The following NDST3 variants were observed in gnomAD, a reference collection of about 807,000 sequenced individuals.
The protein encoded by NDST3 is N-deacetylase and N-sulfotransferase 3.
NDST3 carries 58 observed loss-of-function variants against 96.1 expected under a neutral mutation model. The observed-to-expected ratio is 0.60, with a 90% CI of 0.49 to 0.75. The LOEUF (loss-of-function observed/expected upper bound fraction) is 0.75, where lower values mean the gene tolerates loss of function less well. Among genes scored for constraint, NDST3 ranks in the 30% least tolerant of loss-of-function variants. The probability of loss-of-function intolerance (pLI) is 0.00; values close to 1 mark genes in which losing one functional copy is unlikely to be tolerated. For synonymous variants in NDST3, 333 were observed against 359.7 expected, an observed-to-expected ratio of 0.93 and a Z score of 0.84; for missense variants, 788 against 1,034.2, an observed-to-expected ratio of 0.76 and a Z score of 3.27.
chr4:118,200,621 G>A (rs969792550), intron 6 of NDST3, among the ~76,000 whole-genome samples: 8 of 152,080 alleles, frequency 5.3e-5, no homozygotes, highest in African/African-American at 1.9e-4. Context: ...TTGTAACTAA[G>A]CAAAAAGATA....
intron 6 of NDST3, chr4:118,193,915 A>G (rs1737489186): frequency 2.1e-6 from 2 of 974,198 alleles, no homozygotes; most frequent in Non-Finnish European, 3.3e-6. Flanking sequence ...ATTATAGTAA[A>G]GCTTGCTTGT....
intron 11 of NDST3, among the ~76,000 whole-genome samples, chr4:118,241,207 C>A (rs891127382): frequency 1.3e-5 from 2 of 152,164 alleles, no homozygotes; most frequent in Non-Finnish European, 2.9e-5. Flanking sequence ...TAGAGCCATG[C>A]TTTCCAGTAT....
Position 118,177,130 on chromosome 4 carries a change from T to C in NDST3, c.1539+33446T>C, listed in dbSNP as rs565075574. Among the ~76,000 whole-genome samples, 33 of 151,916 alleles carry C rather than the reference T, an allele frequency of 2.2e-4. No individual in the cohort carries two copies. In the South Asian group the frequency reaches 6.0e-3, roughly 28 times the overall value. On this transcript the variant is annotated intron_variant, in intron 6 of 13. Coordinates refer to ENST00000296499, the MANE Select transcript of NDST3 (RefSeq NM_004784.3). ...ATCCAAATATCAAATTTCTTAACTA[T>C]TAAAAAAATAGGGAAAATGTCAGTC...
intron 2 of NDST3, among the ~76,000 whole-genome samples, chr4:118,071,084 A>G (rs1347198205): frequency 3.3e-5 from 5 of 152,058 alleles, no homozygotes; most frequent in Admixed American, 6.6e-5. Context: ...ATAGTATTCC[A>G]TGGTGTATAT....
intron 8 of NDST3, among the ~76,000 whole-genome samples, chr4:118,230,133 A>C (rs1740169444): frequency 6.6e-6 from 1 of 152,218 alleles, no homozygotes; most frequent in Non-Finnish European, 1.5e-5. Flanking sequence ...GACTTCAAAA[A>C]ACATGCTTTT....
chr4:118,199,058 T>C (rs1737891841), intron 6 of NDST3, among the ~76,000 whole-genome samples: 1 of 152,178 alleles, frequency 6.6e-6, no homozygotes, highest in South Asian at 2.1e-4. Context: ...TGCTTGGTGT[T>C]CTGTAACCTT....
intron 6 of NDST3, among the ~76,000 whole-genome samples, chr4:118,209,535 T>C (rs1738653656): frequency 6.6e-6 from 1 of 152,232 alleles, no homozygotes; most frequent in Non-Finnish European, 1.5e-5. Flanking sequence ...ATAGAATTAC[T>C]TTTGACACCT....
chr4:118,247,206 T>TAA lies in NDST3; in HGVS notation c.2399+5071_2399+5072dup, dbSNP rs34436506. 1.7e-3 allele frequency among the ~76,000 whole-genome samples: 241 copies of TAA among 142,782 alleles called. 1 individual carries two copies. Among genetic ancestry groups the TAA allele is most frequent in the Middle Eastern group, 3.6e-3 (1 of 274 alleles). 93.7% of individuals were successfully genotyped at this position (142,782 alleles called of 152,430 possible). On this transcript the variant is annotated intron_variant, in intron 12 of 13. Transcript: ENST00000296499. ...GTTATATCCACACACCAGGGGGGTTTAAAAAAAAAAAAAAAGGAATGTCCA... is the reference window on the plus strand; with the variant it reads ...GTTATATCCACACACCAGGGGGGTTTAAAAAAAAAAAAAAAAAGGAATGTCCA...
chr4:118,146,766 G>T (rs941186542), intron 6 of NDST3, among the ~76,000 whole-genome samples: 1 of 152,210 alleles, frequency 6.6e-6, no homozygotes, highest in Non-Finnish European at 1.5e-5. Context: ...TCTCACGTAA[G>T]CTGGATGCAG....
intron 2 of NDST3, among the ~76,000 whole-genome samples, chr4:118,101,693 G>T (rs955333438): frequency 8.6e-5 from 13 of 152,010 alleles, no homozygotes; most frequent in African/African-American, 3.1e-4. Flanking sequence ...AACCTAGATG[G>T]TATACCCTAC....
At chr4:118,080,854 C>G (rs1467278191) in intron 2 of NDST3, among the ~76,000 whole-genome samples, 1 of 152,112 alleles carries the variant, frequency 6.6e-6, no homozygotes, top group African/African-American at 2.4e-5. Context: ...AGAAGATAAA[C>G]TGAACTCATT....
chr4:118,067,629 A>G (rs550330616), intron 2 of NDST3, among the ~76,000 whole-genome samples: 5 of 152,258 alleles, frequency 3.3e-5, no homozygotes, highest in African/African-American at 1.2e-4. Flanking sequence ...AGTGGAATCT[A>G]TCTTTAAGGA....
chr4:118,152,671 C>T (rs1734476470), intron 6 of NDST3, among the ~76,000 whole-genome samples: 1 of 152,084 alleles, frequency 6.6e-6, no homozygotes, highest in African/African-American at 2.4e-5. Context: ...ATTTTGAACC[C>T]AACAGATGCT....
intron 8 of NDST3, among the ~76,000 whole-genome samples, chr4:118,228,954 T>C (rs904523154): frequency 1.3e-5 from 2 of 152,386 alleles, no homozygotes; most frequent in East Asian, 1.9e-4. Context: ...TAGTTTCTCA[T>C]ATCAGTTACA....
intron 6 of NDST3, among the ~76,000 whole-genome samples, chr4:118,161,531 C>T (rs1463678970): frequency 2.0e-5 from 3 of 152,170 alleles, no homozygotes; most frequent in Non-Finnish European, 4.4e-5. Flanking sequence ...CCACCCAGTT[C>T]GAGTTTCCCA....
At chr4:118,214,408 GAAAT>G (rs1467868132) in intron 6 of NDST3, among the ~76,000 whole-genome samples, 4 of 152,034 alleles carry the variant, frequency 2.6e-5, no homozygotes, top group Admixed American at 2.0e-4. Flanking sequence ...TTAAAAATGA[GAAAT>G]AACTCATTAA....
At chr4:118,087,270 G>A (rs1289130119) in intron 2 of NDST3, among the ~76,000 whole-genome samples, 1 of 152,106 alleles carries the variant, frequency 6.6e-6, no homozygotes, top group East Asian at 1.9e-4. Context: ...TAACTTTTAT[G>A]TTTGTGTAAT....
chr4:118,205,368 A>G (rs1738368047), intron 6 of NDST3, among the ~76,000 whole-genome samples: 1 of 144,866 alleles, frequency 6.9e-6, no homozygotes, highest in South Asian at 2.3e-4. Context: ...TTATCTATTT[A>G]TATATCATTT....
intron 6 of NDST3, among the ~76,000 whole-genome samples, chr4:118,185,216 T>C (rs947303386): frequency 6.6e-6 from 1 of 152,062 alleles, no homozygotes; most frequent in African/African-American, 2.4e-5. Context: ...TATGTTACCA[T>C]TAATTATTTA....
Sources: gnomAD v4.1 joint callset for allele counts (sites outside exome capture counted in the v4.1 genomes callset) on GRCh38, gnomAD v4.1.1 for gene constraint, MANE v1.5 for transcripts, NCBI Gene and HGNC (gene_info 2026-07-23, HGNC 2026-07-21) for gene names.